Variants in MAF observed in about 807,000 individuals in gnomAD.
MAF encodes MAF bZIP transcription factor, also known as transcription factor Maf.
Under a neutral mutation model 22.0 loss-of-function variants are expected in MAF, and 10 were observed. The ratio of observed to expected loss-of-function variants is 0.45; its 90% CI spans 0.28 to 0.77. MAF has a LOEUF of 0.77. Among genes scored for constraint, MAF ranks in the 30% least tolerant of loss-of-function variants. MAF has a pLI of 0.12. For synonymous variants in MAF, 337 were observed against 255.8 expected (o/e 1.32, Z -3.03); for missense variants, 544 against 548.4 (o/e 0.99, Z 0.08).
the MAF span, among the ~76,000 whole-genome samples, chr16:79,318,896 G>A: frequency 6.6e-6 from 1 of 152,104 alleles, no homozygotes. Context: ...CCTCCTTACA[G>A]CATATCTGCT....
chr16:79,453,389 A>T, the MAF span, among the ~76,000 whole-genome samples: 1 of 152,204 alleles, frequency 6.6e-6, no homozygotes, highest in Non-Finnish European at 1.5e-5. Context: ...CAACCAGGAT[A>T]CTTTCTCACC....
At chr16:79,508,673 A>T in the MAF span, among the ~76,000 whole-genome samples, 10 of 152,354 alleles carry the variant, frequency 6.6e-5, 1 homozygote, top group South Asian at 4.1e-4. Context: ...AATTACATAT[A>T]GCACAGACTA....
chr16:79,593,247 GC>G (rs1913290595), downstream of MAF, among the ~76,000 whole-genome samples: 1 of 152,152 alleles, frequency 6.6e-6, no homozygotes, highest in Non-Finnish European at 1.5e-5. Context: ...AACGGCCACA[GC>G]AGCAAAAGCC....
chr16:79,559,461 G>T, the MAF span, among the ~76,000 whole-genome samples: 2 of 152,086 alleles, frequency 1.3e-5, no homozygotes, highest in African/African-American at 4.8e-5. Context: ...AAAGCTACAG[G>T]TTCCTCCCCA....
chr16:79,234,423 A>T, the MAF span, among the ~76,000 whole-genome samples: 1 of 152,172 alleles, frequency 6.6e-6, no homozygotes, highest in Non-Finnish European at 1.5e-5. Context: ...TAGAGTGTTC[A>T]TTGTCAATTT....
Position 79,599,491 on chromosome 16 carries a change from G to C in MAF, c.412C>G (p.Leu138Val). The change falls in exon 1 of 2, where the codon CTG (leucine) becomes GTG (valine). Residue 138 changes from leucine (L) to valine (V), a missense_variant. By Grantham distance (32) the Leu-to-Val change is conservative (BLOSUM62 1). Coordinates refer to ENST00000326043, the MANE Select transcript of MAF (RefSeq NM_005360.5). ...GCACCGGCCCCGGCCGCCGCGGCCA[G>C]CTGCTGCGCCCCGCGCGCGTAGCCA... Reference protein sequence around the residue: ...FDGYARGAQQLAAAAGAGAGA... With the variant: ...FDGYARGAQQVAAAAGAGAGA... 1 of 1,441,902 alleles carries C rather than the reference G, an allele frequency of 6.9e-7. No homozygotes were observed. Among genetic ancestry groups the C allele is most frequent in the Non-Finnish European group, 9.1e-7 (1 of 1,104,972 alleles). The allele number at this position is 1,441,902 out of a possible 1,614,324, so 89.3% of individuals were successfully genotyped here. A position where few individuals can be genotyped will look rare whatever the true frequency, so the allele number is the denominator to read the frequency against.
chr16:79,429,675 C>T, the MAF span, among the ~76,000 whole-genome samples: 1 of 152,126 alleles, frequency 6.6e-6, no homozygotes, highest in Non-Finnish European at 1.5e-5. Flanking sequence ...AGCCTCCACT[C>T]CCATGCACCA....
the MAF span, among the ~76,000 whole-genome samples, chr16:79,463,522 G>A: frequency 1.2e-4 from 19 of 152,260 alleles, no homozygotes; most frequent in African/African-American, 4.6e-4. Flanking sequence ...AGCCACCACA[G>A]CAAACAGATG....
chr16:79,585,778 A>G, downstream of MAF: 2 of 584,010 alleles, frequency 3.4e-6, no homozygotes, highest in South Asian at 2.2e-5. Context: ...AGTTAGCAGC[A>G]TTCCTTGTTT....
the MAF span, among the ~76,000 whole-genome samples, chr16:79,425,339 A>C: frequency 6.6e-6 from 1 of 151,964 alleles, no homozygotes; most frequent in Non-Finnish European, 1.5e-5. Context: ...GCTTTATGCT[A>C]TCTGGAGTGT....
the MAF span, among the ~76,000 whole-genome samples, chr16:79,419,068 G>T: frequency 6.6e-5 from 10 of 152,210 alleles, no homozygotes; most frequent in South Asian, 4.1e-4. Context: ...TGTTTGCACA[G>T]GAAATACACC....
the MAF span, chr16:79,205,032 C>G: frequency 2.6e-5 from 4 of 152,152 alleles, no homozygotes; most frequent in African/African-American, 7.2e-5. Flanking sequence ...TAGCCAGACT[C>G]GGATTTGGGG....
At chr16:79,427,058 C>G in the MAF span, among the ~76,000 whole-genome samples, 1 of 152,172 alleles carries the variant, frequency 6.6e-6, no homozygotes, top group Non-Finnish European at 1.5e-5. Flanking sequence ...ATTGCTGCAC[C>G]GAAAAGTCCA....
chr16:79,469,350 G>T, the MAF span, among the ~76,000 whole-genome samples: 4 of 152,144 alleles, frequency 2.6e-5, no homozygotes, highest in Non-Finnish European at 5.9e-5. Flanking sequence ...ATGGTGAGTG[G>T]TTAAAAACAT....
chr16:79,215,060 C>T, the MAF span, among the ~76,000 whole-genome samples: 15 of 152,212 alleles, frequency 9.9e-5, no homozygotes, highest in Non-Finnish European at 1.5e-4. Context: ...CACCCCTTCT[C>T]CCCATTTTAC....
the MAF span, among the ~76,000 whole-genome samples, chr16:79,578,158 C>A: frequency 1.3e-5 from 2 of 152,078 alleles, no homozygotes; most frequent in African/African-American, 4.8e-5. Context: ...CTTTTTTAAA[C>A]CAGCATTTAT....
the MAF span, among the ~76,000 whole-genome samples, chr16:79,275,607 A>G: frequency 2.0e-5 from 3 of 152,324 alleles, no homozygotes; most frequent in African/African-American, 7.2e-5. Context: ...TGTCTTGGAC[A>G]ATGCAGATTT....
At chr16:79,475,824 A>T in the MAF span, among the ~76,000 whole-genome samples, 2 of 152,122 alleles carry the variant, frequency 1.3e-5, no homozygotes, top group Admixed American at 6.5e-5. Flanking sequence ...GGTTTGTTAC[A>T]CTTGTTGCAG....
At chr16:79,224,371 G>A in the MAF span, among the ~76,000 whole-genome samples, 1 of 152,060 alleles carries the variant, frequency 6.6e-6, no homozygotes, top group Non-Finnish European at 1.5e-5. Flanking sequence ...AAAATAATAA[G>A]AGCTATTTTT....
Sources: gnomAD v4.1 joint callset for allele counts (sites outside exome capture counted in the v4.1 genomes callset) on GRCh38, gnomAD v4.1.1 for gene constraint, MANE v1.5 for transcripts, NCBI Gene and HGNC (gene_info 2026-07-23, HGNC 2026-07-21) for gene names.